MAGI1: variants seen among roughly 807,000 people sequenced by gnomAD.
MAGI1 encodes membrane associated guanylate kinase, WW and PDZ domain containing 1.
In MAGI1, 58 loss-of-function variants were observed where a neutral mutation model predicts 139.9. The observed-to-expected ratio is 0.41, with a 90% CI of 0.34 to 0.52. MAGI1 has a LOEUF of 0.52. Ranked by LOEUF, MAGI1 falls within the 20% of genes least tolerant of loss-of-function variation. The pLI, the probability that MAGI1 is intolerant of heterozygous loss-of-function variation, is 0.12. For missense variants in MAGI1, 1,874 were observed against 1,901.6 expected (o/e 0.99, Z 0.27); for synonymous variants, 812 against 737.9 (o/e 1.10, Z -1.63).
intron 1 of MAGI1, among the ~76,000 whole-genome samples, chr3:65,776,012 A>G (rs1341713911): frequency 1.3e-5 from 2 of 152,102 alleles, no homozygotes; most frequent in Non-Finnish European, 2.9e-5. Flanking sequence ...AAAACATTAA[A>G]CAAACATTTT....
At chr3:65,559,989 T>C (rs1415551759) in intron 2 of MAGI1, among the ~76,000 whole-genome samples, 2 of 152,148 alleles carry the variant, frequency 1.3e-5, no homozygotes, top group East Asian at 3.9e-4. Flanking sequence ...TGAGCCAAGA[T>C]TGCACCACTA....
At chr3:65,815,016 G>A (rs532305948) in intron 1 of MAGI1, among the ~76,000 whole-genome samples, 1 of 149,568 alleles carries the variant, frequency 6.7e-6, no homozygotes, top group Non-Finnish European at 1.5e-5. Context: ...CATCCACTTG[G>A]GAAACACAGC....
intron 1 of MAGI1, among the ~76,000 whole-genome samples, chr3:65,966,046 A>G (rs2064723492): frequency 6.6e-6 from 1 of 152,164 alleles, no homozygotes; most frequent in Non-Finnish European, 1.5e-5. Flanking sequence ...GACCAACTGG[A>G]GTGTGGTTTG....
At position 66,004,606 on chromosome 3, in the gene MAGI1, T is replaced by C. The variant is rs72910960; in HGVS notation, c.313+33390A>G. Among the ~76,000 whole-genome samples, 251 of 152,302 alleles carry C rather than the reference T, an allele frequency of 1.6e-3. 1 individual carries two copies. The highest frequency in any genetic ancestry group is 5.7e-3 in the African/African-American group (238 of 41,548). ...TGTCCAGGTTTAAAAGGATGGTATA[T>C]AGACATCACCTTCCCCACTCCCATG... On this transcript the variant is annotated intron_variant, in intron 1 of 22. Transcript: ENST00000402939.
At chr3:65,605,137 C>A (rs748584660) in intron 2 of MAGI1, among the ~76,000 whole-genome samples, 18 of 152,150 alleles carry the variant, frequency 1.2e-4, no homozygotes, top group African/African-American at 3.9e-4. Flanking sequence ...GATGTCATAA[C>A]GACCCTTTCA....
chr3:65,522,096 C>T (rs1289152381), intron 2 of MAGI1, among the ~76,000 whole-genome samples: 2 of 152,144 alleles, frequency 1.3e-5, no homozygotes, highest in Non-Finnish European at 2.9e-5. Context: ...TCACCAAGAG[C>T]AGTATTTTCT....
chr3:65,686,413 T>G (rs534263535), intron 1 of MAGI1, among the ~76,000 whole-genome samples: 1 of 152,302 alleles, frequency 6.6e-6, no homozygotes, highest in South Asian at 2.1e-4. Context: ...TGCCTCAGCC[T>G]CCTGAGTAGC....
At chr3:65,751,062 A>G (rs1402115135) in intron 1 of MAGI1, among the ~76,000 whole-genome samples, 1 of 152,230 alleles carries the variant, frequency 6.6e-6, no homozygotes, top group African/African-American at 2.4e-5. Flanking sequence ...GGGTTGACCC[A>G]GCTAATGTGT....
In MAGI1 at chr3:65,923,226, C is replaced by CTTTTTTTTTTTTT. The variant is rs72035925; in HGVS notation, c.313+114757_313+114769dup. 1.4e-5 allele frequency among the ~76,000 whole-genome samples: 2 copies of CTTTTTTTTTTTTT among 139,962 alleles called. 1 individual carries two copies. Among genetic ancestry groups the CTTTTTTTTTTTTT allele is most frequent in the Non-Finnish European group, 3.1e-5 (2 of 65,220 alleles). 91.8% of individuals were successfully genotyped at this position (139,962 alleles called of 152,430 possible). On this transcript the variant is annotated intron_variant, in intron 1 of 22. Transcript: ENST00000402939. ...TGTTAAGCTTGCATTCAACAGACAT[C>CTTTTTTTTTTTTT]TTTTTTTTTTTTTTTTTGAGATGGA...
At chr3:65,869,896 C>A (rs551178418) in intron 1 of MAGI1, among the ~76,000 whole-genome samples, 1 of 152,286 alleles carries the variant, frequency 6.6e-6, no homozygotes, top group South Asian at 2.1e-4. Context: ...GACACATGTG[C>A]AGCACGTGGC....
At chr3:65,926,078 C>T (rs1458638060) in intron 1 of MAGI1, among the ~76,000 whole-genome samples, 1 of 152,158 alleles carries the variant, frequency 6.6e-6, no homozygotes, top group African/African-American at 2.4e-5. Flanking sequence ...AAGTACCTTA[C>T]TCAAGATCAC....
chr3:65,940,490 G>T (rs151085658), intron 1 of MAGI1, among the ~76,000 whole-genome samples: 2 of 152,052 alleles, frequency 1.3e-5, no homozygotes, highest in African/African-American at 4.8e-5. Flanking sequence ...AAGCTCTCTG[G>T]GGTCTGTTTT....
chr3:65,643,089 G>T (rs763226465), intron 1 of MAGI1, among the ~76,000 whole-genome samples: 2 of 152,198 alleles, frequency 1.3e-5, no homozygotes, highest in Non-Finnish European at 2.9e-5. Context: ...ACACAGAGGA[G>T]AAGATCTAAC....
At chr3:65,881,074 C>T (rs71306782) in intron 1 of MAGI1, among the ~76,000 whole-genome samples, 2,863 of 152,078 alleles carry the variant, frequency 0.019, 42 homozygotes, top group Non-Finnish European at 0.03. Flanking sequence ...TTTGTAGATA[C>T]AGGGTTTCTC....
At chr3:65,701,345 C>CG (rs1162305173) in intron 1 of MAGI1, among the ~76,000 whole-genome samples, 2 of 152,146 alleles carry the variant, frequency 1.3e-5, no homozygotes, top group Admixed American at 6.5e-5. Context: ...CTCCACCTCC[C>CG]GGGGTCAAGC....
In MAGI1 at chr3:65,492,234, A is replaced by T. The variant is rs561158322; in HGVS notation, c.550+1278T>A. Among the ~76,000 whole-genome samples, 5 of 152,248 alleles carry T rather than the reference A, an allele frequency of 3.3e-5. No homozygotes were observed. In the East Asian group the frequency reaches 9.6e-4, roughly 29 times the overall value. ...TATCATTACACCACTTCTGCCTCAA[A>T]TAATAATAACACTCCAAAAAGTAAT... On this transcript the variant is annotated intron_variant, in intron 3 of 22. Coordinates refer to ENST00000402939, the MANE Select transcript of MAGI1 (RefSeq NM_001033057.2).
At chr3:65,505,670 G>C (rs1040072047) in intron 2 of MAGI1, among the ~76,000 whole-genome samples, 2 of 115,076 alleles carry the variant, frequency 1.7e-5, no homozygotes, top group South Asian at 5.7e-4. Flanking sequence ...ATAATAATAG[G>C]GAATGACTGC....
At chr3:65,555,972 G>A (rs1434690015) in intron 2 of MAGI1, among the ~76,000 whole-genome samples, 8 of 152,226 alleles carry the variant, frequency 5.3e-5, no homozygotes, top group South Asian at 2.1e-4. Flanking sequence ...TGGTCTCTGC[G>A]GACTCTCAAA....
rs535636093 is a variant in MAGI1, at chr3:65,638,638, C to A, written c.314-16550G>T. Reference sequence around the variant, plus strand: ...TTTTTTTTTTTTTTTCAGACAGAGTCTCGCTCTTTCACCCAGGCTGGAGTG... The same window carrying A: ...TTTTTTTTTTTTTTTCAGACAGAGTATCGCTCTTTCACCCAGGCTGGAGTG... On this transcript the variant is annotated intron_variant, in intron 1 of 22. Coordinates refer to ENST00000402939, the MANE Select transcript of MAGI1 (RefSeq NM_001033057.2). Among the ~76,000 whole-genome samples, 758 of 115,156 alleles carry A rather than the reference C, an allele frequency of 6.6e-3. 2 individuals carry two copies. The highest frequency in any genetic ancestry group is 8.5e-3 in the Non-Finnish European group (506 of 59,190). 75.5% of individuals were successfully genotyped at this position (115,156 alleles called of 152,430 possible). A position where few individuals can be genotyped will look rare whatever the true frequency, so the allele number is the denominator to read the frequency against.
Sources: gnomAD v4.1 joint callset for allele counts (sites outside exome capture counted in the v4.1 genomes callset) on GRCh38, gnomAD v4.1.1 for gene constraint, MANE v1.5 for transcripts, NCBI Gene and HGNC (gene_info 2026-07-23, HGNC 2026-07-21) for gene names.